Variants in LIMA1 observed in about 807,000 individuals in gnomAD.
LIMA1 encodes LIM domain and actin-binding protein 1.
In LIMA1, 52 loss-of-function variants were observed where a neutral mutation model predicts 62.6. The ratio of observed to expected loss-of-function variants is 0.83; its 90% CI spans 0.67 to 1.05. The LOEUF is 1.05. Ranked by LOEUF, LIMA1 falls within the 50% of genes least tolerant of loss-of-function variation. LIMA1 has a pLI of 0.00. For missense variants in LIMA1, 780 were observed against 902.2 expected, an observed-to-expected ratio of 0.86 and a Z score of 1.74; for synonymous variants, 302 against 317.8, an observed-to-expected ratio of 0.95 and a Z score of 0.53.
intron 2 of LIMA1, among the ~76,000 whole-genome samples, chr12:50,243,370 A>G (rs1323478399): frequency 6.6e-6 from 1 of 152,184 alleles, no homozygotes; most frequent in Non-Finnish European, 1.5e-5. Context: ...ACTATTTGCA[A>G]ACCCCATAAA....
At chr12:50,198,087 A>G (rs1377524946) in intron 7 of LIMA1, among the ~76,000 whole-genome samples, 1 of 152,220 alleles carries the variant, frequency 6.6e-6, no homozygotes, top group Non-Finnish European at 1.5e-5. Context: ...AAAATAAACT[A>G]TTCTAATATT....
intron 2 of LIMA1, among the ~76,000 whole-genome samples, chr12:50,235,931 G>A (rs1941685953): frequency 6.6e-6 from 1 of 152,138 alleles, no homozygotes; most frequent in Non-Finnish European, 1.5e-5. Context: ...TCGGGAGATG[G>A]AGGTGGGTGG....
chr12:50,267,800 G>A (rs1284587858), intron 1 of LIMA1, among the ~76,000 whole-genome samples: 1 of 152,100 alleles, frequency 6.6e-6, no homozygotes, highest in East Asian at 1.9e-4. Context: ...TTACAGGCAT[G>A]AGCCACCACA....
At chr12:50,258,103 G>A (rs149101281) in intron 1 of LIMA1, among the ~76,000 whole-genome samples, 178 of 152,126 alleles carry the variant, frequency 1.2e-3, no homozygotes, top group African/African-American at 4.1e-3. Context: ...TTCCAGGCTC[G>A]TCTTGTATTT....
intron 10 of LIMA1, among the ~76,000 whole-genome samples, chr12:50,180,300 C>T (rs1272116596): frequency 5.8e-5 from 8 of 138,278 alleles, no homozygotes; most frequent in South Asian, 2.3e-4. Flanking sequence ...ACTCCATCTC[C>T]GGAAAAAAAA....
intron 2 of LIMA1, among the ~76,000 whole-genome samples, chr12:50,241,077 A>T (rs1941770042): frequency 1.3e-5 from 2 of 152,206 alleles, no homozygotes; most frequent in Non-Finnish European, 2.9e-5. Flanking sequence ...ATCCTCTCTC[A>T]TTATAATTAA....
chr12:50,177,853 A>T lies in LIMA1; in HGVS notation c.1491T>A (p.Pro497=). 6.2e-7 allele frequency: 1 copy of T among 1,613,196 alleles called. No individual in the cohort carries two copies. Among genetic ancestry groups the T allele is most frequent in the Non-Finnish European group, 8.5e-7 (1 of 1,179,574 alleles). ...TPHSPGVEDA[P]IAKVGVLAAS... is the part of the protein sequence containing the mutation. The stretch of plus-strand genomic sequence containing the variant: ...CAGCCAGGACACCCACCTTAGCAAT[A>T]GGGGCATCTTCTACCCCTGGGCTGT... The change falls in exon 11 of 11, where the codon CCT becomes CCA. Residue 497 remains proline (P), a synonymous_variant. Coordinates refer to ENST00000341247, the MANE Select transcript of LIMA1 (RefSeq NM_016357.5).
chr12:50,236,950 G>A (rs2138605122), intron 2 of LIMA1, among the ~76,000 whole-genome samples: 1 of 152,178 alleles, frequency 6.6e-6, no homozygotes, highest in Middle Eastern at 3.4e-3. Context: ...AGGCTAATAT[G>A]GGACATTGGT....
chr12:50,191,048 G>A (rs2138420499), intron 9 of LIMA1, among the ~76,000 whole-genome samples: 1 of 148,340 alleles, frequency 6.7e-6, no homozygotes, highest in Middle Eastern at 3.5e-3. Flanking sequence ...GATAGAGGCT[G>A]CAGGGAGCTG....
At chr12:50,270,159 C>T (rs1053464506) in intron 1 of LIMA1, among the ~76,000 whole-genome samples, 2 of 138,428 alleles carry the variant, frequency 1.4e-5, no homozygotes, top group Admixed American at 7.8e-5. Flanking sequence ...CTCTTGAACC[C>T]GGGTGGCAGA....
intron 7 of LIMA1, among the ~76,000 whole-genome samples, chr12:50,199,885 C>T (rs1278553035): frequency 2.0e-5 from 3 of 151,946 alleles, no homozygotes. Context: ...TGAATCTATG[C>T]TCTCCCAAAT....
chr12:50,273,198 G>A (rs1338602636), intron 1 of LIMA1, among the ~76,000 whole-genome samples: 1 of 151,878 alleles, frequency 6.6e-6, no homozygotes, highest in African/African-American at 2.4e-5. Context: ...CAAGTGATCC[G>A]CCAGCCTTGG....
At chr12:50,246,176 G>A (rs973124708) in intron 2 of LIMA1, among the ~76,000 whole-genome samples, 8 of 148,864 alleles carry the variant, frequency 5.4e-5, no homozygotes, top group Admixed American at 1.4e-4. Context: ...AGGTTGCAGT[G>A]AGCTGAGATT....
chr12:50,190,561 G>A (rs1363081971), intron 9 of LIMA1, among the ~76,000 whole-genome samples: 1 of 129,780 alleles, frequency 7.7e-6, no homozygotes. Flanking sequence ...TGTACTTTTA[G>A]TAGAGATGGG....
Position 50,200,903 on chromosome 12 carries a change from T to C in LIMA1, c.865-19A>G, listed in dbSNP as rs780504816. The C allele has an allele frequency of 1.2e-6, 2 of 1,609,466 alleles. No individual in the cohort carries two copies. The highest frequency in any genetic ancestry group is 1.3e-5 in the African/African-American group (1 of 74,350). On this transcript the variant is annotated intron_variant, in intron 6 of 10. Transcript: ENST00000341247. ...GCTCATTCTACAAAATAAAAATAACTGTAAAAATTTTTTTAAAGTCCCATC... is the reference window on the plus strand; with the variant it reads ...GCTCATTCTACAAAATAAAAATAACCGTAAAAATTTTTTTAAAGTCCCATC...
Position 50,222,176 on chromosome 12 carries a change from T to C in LIMA1, c.475A>G (p.Lys159Glu), listed in dbSNP as rs1361415133. The C allele has an allele frequency of 6.2e-7, 1 of 1,614,244 alleles. No homozygotes were observed. ...TCTCCTAGACAATTTTCCATTTTTT[T>C]ACTTTCTGTTGAGTGGTCTTTAAGA... ...EDLKDHSTES[K>E]KMENCLGESR... is the part of the protein sequence containing the mutation. The change falls in exon 4 of 11, where the codon AAA becomes GAA. Residue 159 changes from lysine (K) to glutamate (E), a missense_variant. By Grantham distance (56) the Lys-to-Glu change is moderately conservative. Coordinates refer to ENST00000341247, the MANE Select transcript of LIMA1 (RefSeq NM_016357.5).
At chr12:50,236,761 C>T (rs534015340) in intron 2 of LIMA1, among the ~76,000 whole-genome samples, 47 of 152,132 alleles carry the variant, frequency 3.1e-4, no homozygotes, top group African/African-American at 1.0e-3. Context: ...CACACGCACA[C>T]GCACACAGCT....
intron 1 of LIMA1, among the ~76,000 whole-genome samples, chr12:50,279,950 G>A (rs1369173718): frequency 6.6e-6 from 1 of 152,058 alleles, no homozygotes; most frequent in Non-Finnish European, 1.5e-5. Context: ...ACTAATTTAT[G>A]GGTAATGAAA....
intron 1 of LIMA1, among the ~76,000 whole-genome samples, chr12:50,255,036 A>C (rs1448169543): frequency 1.1e-5 from 1 of 87,960 alleles, no homozygotes; most frequent in Non-Finnish European, 2.0e-5. Context: ...ACAAAACCAA[A>C]AAAAACAAAA....
Sources: gnomAD v4.1 joint callset for allele counts (sites outside exome capture counted in the v4.1 genomes callset) on GRCh38, gnomAD v4.1.1 for gene constraint, MANE v1.5 for transcripts, NCBI Gene and HGNC (gene_info 2026-07-23, HGNC 2026-07-21) for gene names.